Variants in DGKD observed in about 807,000 individuals in gnomAD.
DGKD encodes the protein diacylglycerol kinase delta.
DGKD carries 68 observed loss-of-function variants against 154.4 expected under a neutral mutation model. The ratio of observed to expected loss-of-function variants is 0.44; its 90% CI spans 0.36 to 0.54. The LOEUF (loss-of-function observed/expected upper bound fraction) is 0.54. Among genes scored for constraint, DGKD ranks in the 20% least tolerant of loss-of-function variants. The pLI is 0.00. For missense variants in DGKD, 1,343 were observed against 1,593.6 expected, an observed-to-expected ratio of 0.84 and a Z score of 2.68; for synonymous variants, 693 against 638.0, an observed-to-expected ratio of 1.09 and a Z score of -1.30.
chr2:233,438,755 C>CTATCTATCT lies in DGKD; in HGVS notation c.1085+376_1085+377insTATCTATCT, dbSNP rs372812365. Among the ~76,000 whole-genome samples the CTATCTATCT allele has an allele frequency of 3.0e-5, 4 of 132,292 alleles. No individual in the cohort carries two copies. Among genetic ancestry groups the CTATCTATCT allele is most frequent in the Non-Finnish European group, 6.5e-5 (4 of 61,472 alleles). 86.8% of individuals were successfully genotyped at this position (132,292 alleles called of 152,430 possible). A position where few individuals can be genotyped will look rare whatever the true frequency, so the allele number is the denominator to read the frequency against. ...ATTTTTTATTTATCTGTCTATCTAT[C>CTATCTATCT]ATCTATCTATCTATCTATCTATCTA... On this transcript the variant is annotated intron_variant, in intron 9 of 29. Transcript: ENST00000264057. This position sits in a 1 kb window ranked among gnomAD's most constrained non-coding sequence, Gnocchi z 4.1.
intron 12 of DGKD, chr2:233,447,651 C>T (rs895634092): frequency 9.9e-7 from 1 of 1,008,424 alleles, no homozygotes; most frequent in Non-Finnish European, 1.2e-6. Context: ...GATAGGGCTG[C>T]CCTTCTGACA....
At chr2:233,363,547 A>G (rs1439797095) in intron 1 of DGKD, among the ~76,000 whole-genome samples, 1 of 152,206 alleles carries the variant, frequency 6.6e-6, no homozygotes, top group Non-Finnish European at 1.5e-5. Flanking sequence ...TAAATGTAGT[A>G]TAGCCTAAGT....
In DGKD at chr2:233,440,205, C is replaced by G. The variant is rs1229154203; in HGVS notation, c.1086-1682C>G. Among the ~76,000 whole-genome samples the G allele has an allele frequency of 2.0e-5, 3 of 152,208 alleles. No individual in the cohort carries two copies. The highest frequency in any genetic ancestry group is 4.4e-5 in the Non-Finnish European group (3 of 68,036). On this transcript the variant is annotated intron_variant, in intron 9 of 29. Transcript: ENST00000264057. This position sits in a 1 kb window ranked among gnomAD's most constrained non-coding sequence, Gnocchi z 4.9. The stretch of plus-strand genomic sequence containing the variant: ...GCAGCTCATCTCACACAGCTCACAG[C>G]AGAATCTGGAGCTACTGCTTCATGT...
At chr2:233,422,656 C>T (rs1421606936) in intron 3 of DGKD, among the ~76,000 whole-genome samples, 1 of 152,210 alleles carries the variant, frequency 6.6e-6, no homozygotes, top group African/African-American at 2.4e-5. Context: ...CCCACATACG[C>T]CCTTGTCCTT....
At chr2:233,369,255 C>G (rs1440341440) in intron 1 of DGKD, among the ~76,000 whole-genome samples, 4 of 152,158 alleles carry the variant, frequency 2.6e-5, no homozygotes, top group African/African-American at 9.7e-5. Flanking sequence ...CTGGGGGCCT[C>G]AGTTTTGTCT....
chr2:233,455,564 A>T (rs1459865808), intron 19 of DGKD, among the ~76,000 whole-genome samples: 1 of 152,230 alleles, frequency 6.6e-6, no homozygotes, highest in Non-Finnish European at 1.5e-5. Flanking sequence ...CAGCTTTGAC[A>T]TGATTAGAAC....
chr2:233,455,232 G>T (rs1056064285), intron 19 of DGKD, among the ~76,000 whole-genome samples: 5 of 152,186 alleles, frequency 3.3e-5, no homozygotes, highest in African/African-American at 1.2e-4. Context: ...TTTGTGGGAG[G>T]GTCTGTGTGT....
intron 4 of DGKD, 89 bp downstream of exon 4, chr2:233,434,573 CCA>C: frequency 6.9e-7 from 1 of 1,445,142 alleles, no homozygotes; most frequent in Non-Finnish European, 9.7e-7. Flanking sequence ...ACGTGCGGAC[CCA>C]CAGTCTGGAG....
intron 24 of DGKD, among the ~76,000 whole-genome samples, chr2:233,461,142 G>A (rs1214394732): frequency 1.3e-5 from 2 of 151,960 alleles, no homozygotes; most frequent in East Asian, 1.9e-4. Context: ...CCTGCTCCTC[G>A]CCCGCCAGGT....
Position 233,436,410 on chromosome 2 carries a change from A to G in DGKD, c.788A>G (p.Gln263Arg). Reference protein sequence around the residue: ...DKTCGSVLRLQDWRCLWCKAM... With the variant: ...DKTCGSVLRLRDWRCLWCKAM... ...ACCTGTGGCAGTGTGCTGCGCCTGC[A>G]GGACTGGCGCTGCCTCTGGTGCAAG... Residue 263 changes from glutamine to arginine, a missense_variant, in exon 7 of 30, where the codon CAG becomes CGG. Physicochemically the swap from Gln to Arg is conservative, Grantham distance 43 (BLOSUM62 1). Around this residue, in one of 6 missense-constraint regions of DGKD, gnomAD observed 332 missense variants for 400.1 expected, o/e 0.83. Transcript: ENST00000264057. 1.2e-6 allele frequency: 2 copies of G among 1,613,894 alleles called. No individual in the cohort carries two copies. Among genetic ancestry groups the G allele is most frequent in the South Asian group, 1.1e-5 (1 of 91,074 alleles).
At chr2:233,466,093 T>C (rs2063815889) in intron 27 of DGKD, among the ~76,000 whole-genome samples, 1 of 152,078 alleles carries the variant, frequency 6.6e-6, no homozygotes, top group South Asian at 2.1e-4. Context: ...AAGACTATGT[T>C]TTTTATTCCC....
rs1315536463 is a variant in DGKD, at chr2:233,441,444, A to C, written c.1086-443A>C. Reference sequence around the variant, plus strand: ...CAAGACTGAGGGTGCAGGGTGATGCAGGCAGCCCAGAGGGCATGCTGGGAA... The same window carrying C: ...CAAGACTGAGGGTGCAGGGTGATGCCGGCAGCCCAGAGGGCATGCTGGGAA... On this transcript the variant is annotated intron_variant, in intron 9 of 29. Transcript: ENST00000264057. The surrounding 1 kb of genome is among the most constrained non-coding windows in gnomAD (Gnocchi z 5.6). 6.6e-6 allele frequency among the ~76,000 whole-genome samples: 1 copy of C among 152,166 alleles called. No individual in the cohort carries two copies. Among genetic ancestry groups the C allele is most frequent in the Non-Finnish European group, 1.5e-5 (1 of 68,008 alleles).
chr2:233,403,874 T>C (rs1362120478), intron 3 of DGKD, among the ~76,000 whole-genome samples: 3 of 152,070 alleles, frequency 2.0e-5, no homozygotes, highest in Admixed American at 2.0e-4. Context: ...ACTCCTGACC[T>C]CGTGATCCGC....
chr2:233,370,566 TC>T (rs1266298528), intron 1 of DGKD, among the ~76,000 whole-genome samples: 7 of 121,046 alleles, frequency 5.8e-5, no homozygotes, highest in Non-Finnish European at 8.7e-5. Context: ...TTTCAGAACT[TC>T]TTCTTTTTTT....
chr2:233,427,226 T>C (rs968708184), intron 3 of DGKD, among the ~76,000 whole-genome samples: 4 of 152,038 alleles, frequency 2.6e-5, no homozygotes, highest in African/African-American at 9.7e-5. Flanking sequence ...TTCCATGCAG[T>C]CACCTCTGAT....
At chr2:233,411,312 T>C (rs2061824424) in intron 3 of DGKD, among the ~76,000 whole-genome samples, 1 of 152,192 alleles carries the variant, frequency 6.6e-6, no homozygotes, top group African/African-American at 2.4e-5. Context: ...CCACCAGCAG[T>C]GTATAGAGAG....
At chr2:233,389,315 C>T (rs1703417115) in intron 2 of DGKD, among the ~76,000 whole-genome samples, 1 of 152,212 alleles carries the variant, frequency 6.6e-6, no homozygotes, top group Admixed American at 6.5e-5. Context: ...GGAGGAGGAG[C>T]AGCCAGTGAA....
At chr2:233,436,022 A>G (rs749415982) in intron 6 of DGKD, 98 bp downstream of exon 6, 11 of 1,286,934 alleles carry the variant, frequency 8.5e-6, no homozygotes, top group Non-Finnish European at 1.2e-5. Flanking sequence ...CCACTGTTTC[A>G]TTTGAGATGG....
chr2:233,466,568 C>T (rs182304940), intron 27 of DGKD, among the ~76,000 whole-genome samples: 6 of 152,214 alleles, frequency 3.9e-5, no homozygotes, highest in African/African-American at 7.2e-5. Flanking sequence ...CTGCCGCCGC[C>T]GATGGCTGTC....
Sources: gnomAD v4.1 joint callset for allele counts (sites outside exome capture counted in the v4.1 genomes callset) on GRCh38, gnomAD v4.1.1 for gene constraint, gnomAD v4.1.1 regional missense constraint, Gnocchi (gnomAD v3.1) non-coding constraint, MANE v1.5 for transcripts, NCBI Gene and HGNC (gene_info 2026-07-23, HGNC 2026-07-21) for gene names.